RAI1: variants seen among roughly 807,000 people sequenced by gnomAD.
RAI1 encodes the protein retinoic acid induced 1.
Under a neutral mutation model 123.8 loss-of-function variants are expected in RAI1, and 9 were observed. That is an observed-to-expected ratio of 0.07 (90% CI 0.04 to 0.13). RAI1 has a LOEUF of 0.13. RAI1 is among the 10% of genes least tolerant of loss of function. RAI1 has a pLI of 1.00. For missense variants in RAI1, 2,256 were observed against 2,545.8 expected, an observed-to-expected ratio of 0.89 and a Z score of 2.45; for synonymous variants, 1,231 against 1,127.3, an observed-to-expected ratio of 1.09 and a Z score of -1.84.
chr17:17,746,000 G>C (rs1351484482), intron 2 of RAI1, among the ~76,000 whole-genome samples: 6 of 152,242 alleles, frequency 3.9e-5, no homozygotes, highest in Admixed American at 2.6e-4. Context: ...CATGAGCGTT[G>C]TGGAGTTGGC....
intron 2 of RAI1, among the ~76,000 whole-genome samples, chr17:17,742,091 G>A (rs927216111): frequency 6.6e-6 from 1 of 152,238 alleles, no homozygotes; most frequent in African/African-American, 2.4e-5. Flanking sequence ...CATAATTCCC[G>A]TCTTGGGTGC....
chr17:17,777,162 A>AT (rs1309614091), intron 2 of RAI1: 2 of 152,082 alleles, frequency 1.3e-5, no homozygotes, highest in African/African-American at 2.4e-5. Context: ...CCTTGTGCAG[A>AT]TGACTTCGGG....
rs780521476 is a variant in RAI1, at chr17:17,795,972, C to G, written c.3024C>G (p.Pro1008=). The G allele has an allele frequency of 1.2e-6, 2 of 1,601,624 alleles. No individual in the cohort carries two copies. Among genetic ancestry groups the G allele is most frequent in the Non-Finnish European group, 1.7e-6 (2 of 1,176,418 alleles). ...LRSRRVHRGL[P]EAEDSPCRAP... ...GCCGTCGGGTGCACCGGGGGCTGCC[C>G]GAGGCCGAGGACTCCCCATGCAGGG... Residue 1008 remains proline (P), a synonymous_variant, in exon 3 of 6, where the codon CCC becomes CCG. Transcript: ENST00000353383. The surrounding 1 kb of genome is among the most constrained non-coding windows in gnomAD (Gnocchi z 5.9).
chr17:17,790,896 T>C (rs1354708276), intron 2 of RAI1, among the ~76,000 whole-genome samples: 1 of 152,160 alleles, frequency 6.6e-6, no homozygotes, highest in African/African-American at 2.4e-5. Flanking sequence ...GCTGCCCACC[T>C]GGCAGGGAGC....
chr17:17,809,889 G>A lies in RAI1; in HGVS notation c.5710-81G>A. Reference sequence around the variant, plus strand: ...GGTCGCCTGGGTCTGGGGCTTAGGCGGGGGGCCCACACTGGGGGCGGGGCC... The same window carrying A: ...GGTCGCCTGGGTCTGGGGCTTAGGCAGGGGGCCCACACTGGGGGCGGGGCC... On this transcript the variant is annotated intron_variant, in intron 5 of 5. Transcript: ENST00000353383. This position sits in a 1 kb window ranked among gnomAD's most constrained non-coding sequence, Gnocchi z 4.9. The A allele has an allele frequency of 6.5e-7, 1 of 1,541,882 alleles. No homozygotes were observed. The highest frequency in any genetic ancestry group is 1.2e-5 in the South Asian group (1 of 83,802).
chr17:17,772,956 G>A (rs775786233), intron 2 of RAI1, among the ~76,000 whole-genome samples: 4 of 151,840 alleles, frequency 2.6e-5, no homozygotes, highest in Non-Finnish European at 1.5e-5. Flanking sequence ...AGGTAGGCTG[G>A]TGAGTGGATG....
At chr17:17,703,040 C>T (rs1036880952) in intron 1 of RAI1, among the ~76,000 whole-genome samples, 2 of 152,208 alleles carry the variant, frequency 1.3e-5, no homozygotes, top group African/African-American at 2.4e-5. Context: ...GTAGTAAGTG[C>T]TCAATAAATG....
At chr17:17,711,654 G>C (rs769656116) in intron 1 of RAI1, among the ~76,000 whole-genome samples, 1 of 152,216 alleles carries the variant, frequency 6.6e-6, no homozygotes, top group African/African-American at 2.4e-5. Context: ...GAAGTTTCAC[G>C]TAAAGGAACA....
intron 2 of RAI1, among the ~76,000 whole-genome samples, chr17:17,754,749 G>C (rs1015897680): frequency 2.0e-5 from 3 of 152,216 alleles, no homozygotes; most frequent in Non-Finnish European, 4.4e-5. Flanking sequence ...GCAGTGGTTG[G>C]GGGGCTGCCA....
intron 2 of RAI1, among the ~76,000 whole-genome samples, chr17:17,752,806 C>T (rs2030262554): frequency 6.6e-6 from 1 of 152,250 alleles, no homozygotes; most frequent in African/African-American, 2.4e-5. Context: ...AGGCTCTCCA[C>T]ACAGACCGTG....
intron 3 of RAI1, among the ~76,000 whole-genome samples, chr17:17,803,085 C>CA (rs1167089282): frequency 0.028 from 1,532 of 54,816 alleles, 22 homozygotes; most frequent in Admixed American, 0.053. Flanking sequence ...AATTCTGTCT[C>CA]AAAAAAAAAA....
At chr17:17,719,650 C>T (rs1348756116) in intron 1 of RAI1, among the ~76,000 whole-genome samples, 2 of 152,212 alleles carry the variant, frequency 1.3e-5, no homozygotes, top group African/African-American at 4.8e-5. Flanking sequence ...TCTGTCAAGA[C>T]TAGAATGAAA....
intron 2 of RAI1, among the ~76,000 whole-genome samples, chr17:17,735,353 C>CT (rs554442849): frequency 0.017 from 2,268 of 132,416 alleles, 55 homozygotes; most frequent in African/African-American, 0.049. Flanking sequence ...AATGCCCAGC[C>CT]TTTTTTTTTT....
At chr17:17,775,808 A>G (rs760322737) in intron 2 of RAI1, among the ~76,000 whole-genome samples, 5 of 152,312 alleles carry the variant, frequency 3.3e-5, no homozygotes, top group Middle Eastern at 3.4e-3. Context: ...TGAAAAAACT[A>G]TCTTGGGATC....
chr17:17,747,340 C>T (rs2142978522), intron 2 of RAI1, among the ~76,000 whole-genome samples: 1 of 152,344 alleles, frequency 6.6e-6, no homozygotes, highest in Admixed American at 6.5e-5. Flanking sequence ...CTGCTTGGCA[C>T]TTAGCCACTG....
intron 1 of RAI1, among the ~76,000 whole-genome samples, chr17:17,718,125 C>T (rs1351392971): frequency 6.6e-6 from 1 of 152,178 alleles, no homozygotes; most frequent in Non-Finnish European, 1.5e-5. Flanking sequence ...TGTACTCCCT[C>T]TCCCCTCTCC....
chr17:17,692,635 A>G (rs1276681901), intron 1 of RAI1, among the ~76,000 whole-genome samples: 1 of 152,210 alleles, frequency 6.6e-6, no homozygotes, highest in Non-Finnish European at 1.5e-5. Context: ...ATTCCTGGCT[A>G]TGAAATAATA....
intron 2 of RAI1, chr17:17,778,788 T>C (rs991621158): frequency 1.3e-5 from 6 of 456,556 alleles, no homozygotes; most frequent in African/African-American, 8.0e-5. Context: ...AACACAGCAG[T>C]TCTGGGGCCA....
In RAI1 at chr17:17,800,719, G is replaced by A. The variant is rs1056273922; in HGVS notation, c.5565+2206G>A. ...CAACTAGGGCTGCCCCGGGAAGGTC[G>A]GAACCAGGAACACCCTGCCAGACAG... On this transcript the variant is annotated intron_variant, in intron 3 of 5. Transcript: ENST00000353383. This position sits in a 1 kb window ranked among gnomAD's most constrained non-coding sequence, Gnocchi z 4.7. 2.6e-5 allele frequency among the ~76,000 whole-genome samples: 4 copies of A among 152,218 alleles called. No homozygotes were observed. The highest frequency in any genetic ancestry group is 6.5e-5 in the Admixed American group (1 of 15,288).
Sources: gnomAD v4.1 joint callset for allele counts (sites outside exome capture counted in the v4.1 genomes callset) on GRCh38, gnomAD v4.1.1 for gene constraint, Gnocchi (gnomAD v3.1) non-coding constraint, MANE v1.5 for transcripts, NCBI Gene and HGNC (gene_info 2026-07-23, HGNC 2026-07-21) for gene names.